VTI1A: variants seen among roughly 807,000 people sequenced by gnomAD.
VTI1A encodes vesicle transport through interaction with t-SNAREs 1A.
Under a neutral mutation model 34.9 loss-of-function variants are expected in VTI1A, and 22 were observed. The observed-to-expected ratio is 0.63, with a 90% CI of 0.45 to 0.90. The LOEUF is 0.90. Ranked by LOEUF, VTI1A falls within the 40% of genes least tolerant of loss-of-function variation. The probability of loss-of-function intolerance (pLI) is 0.00; values close to 1 mark genes in which losing one functional copy is unlikely to be tolerated. For synonymous variants in VTI1A, 87 were observed against 97.3 expected (o/e 0.89, Z 0.62); for missense variants, 268 against 275.6 (o/e 0.97, Z 0.20).
intron 1 of VTI1A, among the ~76,000 whole-genome samples, chr10:112,457,789 A>T (rs1195456166): frequency 6.6e-6 from 1 of 152,210 alleles, no homozygotes; most frequent in Non-Finnish European, 1.5e-5. Context: ...GAAAAATACA[A>T]TGCCTAACAG....
chr10:112,459,385 C>T (rs1335863715), intron 1 of VTI1A, among the ~76,000 whole-genome samples: 1 of 152,190 alleles, frequency 6.6e-6, no homozygotes, highest in Non-Finnish European at 1.5e-5. Flanking sequence ...AAGGAAAAGG[C>T]TTTCCCCTTG....
chr10:112,540,044 G>A (rs997152785), intron 5 of VTI1A, among the ~76,000 whole-genome samples: 27 of 152,134 alleles, frequency 1.8e-4, no homozygotes, highest in Non-Finnish European at 4.4e-5. Context: ...CTTTCCACAT[G>A]GGGCTGGTTC....
At chr10:112,686,779 G>A (rs966438963) in intron 7 of VTI1A, among the ~76,000 whole-genome samples, 2 of 152,132 alleles carry the variant, frequency 1.3e-5, no homozygotes, top group African/African-American at 2.4e-5. Flanking sequence ...ACCCATTGAT[G>A]TCTTTCTTTT....
At chr10:112,765,697 G>A (rs1416498531) in intron 7 of VTI1A, among the ~76,000 whole-genome samples, 1 of 152,162 alleles carries the variant, frequency 6.6e-6, no homozygotes, top group Non-Finnish European at 1.5e-5. Flanking sequence ...GAAAGTAATT[G>A]TGATGACTGT....
At chr10:112,819,292 G>T (rs1590214654), downstream of VTI1A, among the ~76,000 whole-genome samples, 1 of 152,316 alleles carries the variant, frequency 6.6e-6, no homozygotes, top group East Asian at 1.9e-4. Flanking sequence ...GGCACTCCAT[G>T]CTTGGGAGTG....
In VTI1A at chr10:112,453,994, A is replaced by G. The variant is rs1847337520; in HGVS notation, c.94+6527A>G. ...ATGTTAAACACAAGTTCATACTAGT[A>G]TCTCCAGCTCTAATCCATTATCAGA... On this transcript the variant is annotated intron_variant, in intron 1 of 7. Coordinates refer to ENST00000393077, the MANE Select transcript of VTI1A (RefSeq NM_145206.4). Among the ~76,000 whole-genome samples the G allele has an allele frequency of 3.9e-5, 6 of 152,236 alleles. 1 individual carries two copies. In the South Asian group the frequency reaches 1.2e-3, roughly 32 times the overall value.
chr10:112,717,289 C>A (rs2133933145), intron 7 of VTI1A, among the ~76,000 whole-genome samples: 2 of 152,274 alleles, frequency 1.3e-5, no homozygotes, highest in Middle Eastern at 6.8e-3. Flanking sequence ...ATGTGACTCT[C>A]CATTCAGTTC....
intron 3 of VTI1A, among the ~76,000 whole-genome samples, chr10:112,512,065 T>G (rs748807835): frequency 1.1e-4 from 17 of 152,296 alleles, no homozygotes; most frequent in Admixed American, 2.0e-4. Context: ...TTTCTTTTCC[T>G]TTGGGTAGAT....
intron 5 of VTI1A, among the ~76,000 whole-genome samples, chr10:112,589,870 G>A (rs868784768): frequency 1.3e-5 from 2 of 152,200 alleles, no homozygotes; most frequent in Non-Finnish European, 2.9e-5. Flanking sequence ...AGTCAGAAGA[G>A]AGAATATTTT....
At chr10:112,755,078 A>G (rs982947842) in intron 7 of VTI1A, among the ~76,000 whole-genome samples, 15 of 152,026 alleles carry the variant, frequency 9.9e-5, no homozygotes, top group Admixed American at 2.0e-4. Context: ...AACAGGGCGA[A>G]ACCCTGTCTA....
intron 1 of VTI1A, 71 bp downstream of exon 1, chr10:112,447,538 C>T: frequency 7.8e-6 from 12 of 1,534,022 alleles, no homozygotes; most frequent in Non-Finnish European, 1.1e-5. Flanking sequence ...GAACGCCGCC[C>T]GAGTAAGTGT....
intron 7 of VTI1A, among the ~76,000 whole-genome samples, chr10:112,787,412 T>G (rs1852319815): frequency 1.3e-5 from 2 of 152,160 alleles, no homozygotes; most frequent in Admixed American, 6.5e-5. Flanking sequence ...GCTCTAACCC[T>G]TACTCCTTTT....
At chr10:112,675,942 A>G (rs947059642) in intron 7 of VTI1A, among the ~76,000 whole-genome samples, 2 of 152,164 alleles carry the variant, frequency 1.3e-5, no homozygotes, top group Non-Finnish European at 2.9e-5. Flanking sequence ...AGTCTTTACT[A>G]TGGAAATTTT....
At chr10:112,764,266 T>G (rs910281717) in intron 7 of VTI1A, among the ~76,000 whole-genome samples, 1 of 152,172 alleles carries the variant, frequency 6.6e-6, no homozygotes, top group African/African-American at 2.4e-5. Context: ...AATCAGTGCC[T>G]GCGGTACTTG....
At chr10:112,534,924 G>A (rs117145921) in intron 4 of VTI1A, among the ~76,000 whole-genome samples, 2,009 of 152,224 alleles carry the variant, frequency 0.013, 18 homozygotes, top group Middle Eastern at 0.048. Context: ...AAGAAACTAC[G>A]TGAAGCCCTT....
the VTI1A span, among the ~76,000 whole-genome samples, chr10:112,837,401 G>A: frequency 2.5e-3 from 377 of 152,288 alleles, 1 homozygote; most frequent in African/African-American, 8.2e-3. Flanking sequence ...GTGACCCACC[G>A]ATGTGGATCC....
At chr10:112,589,017 T>A (rs74158743) in intron 5 of VTI1A, among the ~76,000 whole-genome samples, 28,506 of 123,284 alleles carry the variant, frequency 0.23, 2,869 homozygotes, top group Admixed American at 0.31. Context: ...TGACTCCTTG[T>A]CTTTTTTTTT....
chr10:112,628,965 C>T (rs1303131349), intron 5 of VTI1A, among the ~76,000 whole-genome samples: 5 of 152,148 alleles, frequency 3.3e-5, no homozygotes, highest in Admixed American at 2.6e-4. Flanking sequence ...ATACACCAGA[C>T]ATCTCATAAC....
chr10:112,481,034 G>A (rs1564794222), intron 3 of VTI1A, among the ~76,000 whole-genome samples: 1 of 152,138 alleles, frequency 6.6e-6, no homozygotes. Context: ...AGGATTAGAC[G>A]CTATTGAAAG....
Sources: allele counts gnomAD v4.1 joint callset (sites outside exome capture counted in the v4.1 genomes callset), GRCh38; gene constraint gnomAD v4.1.1; transcripts MANE v1.5; gene names NCBI Gene and HGNC (gene_info 2026-07-23, HGNC 2026-07-21).